The following DRD3 variants were observed in gnomAD, a reference collection of about 807,000 sequenced individuals.
The protein encoded by DRD3 is D(3) dopamine receptor.
Under a neutral mutation model 36.3 loss-of-function variants are expected in DRD3, and 19 were observed. The ratio of observed to expected loss-of-function variants is 0.52; its 90% CI spans 0.36 to 0.77. The LOEUF (loss-of-function observed/expected upper bound fraction) is 0.77. DRD3 is among the 30% of genes least tolerant of loss of function. The pLI is 0.00. For missense variants in DRD3, 465 were observed against 505.3 expected (o/e 0.92, Z 0.77); for synonymous variants, 195 against 203.7 (o/e 0.96, Z 0.36).
chr3:114,182,797 T>A (rs539765513), upstream of DRD3, among the ~76,000 whole-genome samples: 16 of 152,318 alleles, frequency 1.1e-4, 1 homozygote, highest in South Asian at 3.3e-3. Context: ...CATAATGTTC[T>A]CAAAATTCAT....
At chr3:114,197,276 A>C (rs1361258663) in intron 1 of DRD3, among the ~76,000 whole-genome samples, 1 of 131,552 alleles carries the variant, frequency 7.6e-6, no homozygotes, top group African/African-American at 3.0e-5. Flanking sequence ...TAATTAAAAA[A>C]ATTTTTTTTT....
At position 114,162,717 on chromosome 3, in the gene DRD3, G is replaced by T. The variant is rs1433910179; in HGVS notation, c.271-2850C>A. On this transcript the variant is annotated intron_variant, in intron 2 of 6. Transcript: ENST00000383673. ...GTCACAGGGCTAGTACAGGGAGACA[G>T]AGCATTGGAATGTAGGTTGTTACAC... Among the ~76,000 whole-genome samples the T allele has an allele frequency of 3.3e-5, 5 of 152,196 alleles. No homozygotes were observed. In the East Asian group the frequency reaches 9.6e-4, roughly 29 times the overall value.
intron 1 of DRD3, among the ~76,000 whole-genome samples, chr3:114,192,819 C>T (rs1029359882): frequency 6.6e-6 from 1 of 152,114 alleles, no homozygotes; most frequent in Non-Finnish European, 1.5e-5. Flanking sequence ...AAGGTAGATA[C>T]AAAAATTGAG....
intron 1 of DRD3, among the ~76,000 whole-genome samples, chr3:114,198,029 T>C (rs1182376177): frequency 1.3e-5 from 2 of 152,194 alleles, no homozygotes; most frequent in African/African-American, 4.8e-5. Flanking sequence ...TCAAGTTATA[T>C]AGATCTTCTA....
chr3:114,155,816 C>T (rs2077661741), intron 3 of DRD3, among the ~76,000 whole-genome samples: 1 of 152,082 alleles, frequency 6.6e-6, no homozygotes, highest in African/African-American at 2.4e-5. Context: ...TTACACAGTT[C>T]TCCCTCTTCA....
Position 114,131,126 on chromosome 3 carries a change from A to G in DRD3, c.998T>C (p.Ile333Thr). 8 of 1,613,420 alleles carry G rather than the reference A, an allele frequency of 5.0e-6. No individual in the cohort carries two copies. The highest frequency in any genetic ancestry group is 6.8e-6 in the Non-Finnish European group (8 of 1,179,362). ...AGCCAACCCAAACTTACCAAGCACA[A>G]TGGCCACCATTTGGGTTGCCTTCTT... ...REKKATQMVA[I>T]VLGAFIVCWL... Residue 333 changes from isoleucine (I) to threonine (T), a missense_variant, in exon 6 of 7, where the codon ATT becomes ACT. Transcript: ENST00000383673.
chr3:114,181,268 G>A (rs892623963), upstream of DRD3, among the ~76,000 whole-genome samples: 6 of 152,142 alleles, frequency 3.9e-5, no homozygotes, highest in African/African-American at 1.4e-4. Context: ...CACACATCTA[G>A]GCAGTCAACT....
chr3:114,128,949 T>C (rs1254852825), intron 6 of DRD3, 37 bp from the exon 7 acceptor site: 1 of 1,519,122 alleles, frequency 6.6e-7, no homozygotes. Flanking sequence ...GGGTAAGGGA[T>C]TTGCTTACTC....
chr3:114,135,832 G>A (rs1274551407), intron 5 of DRD3, among the ~76,000 whole-genome samples: 2 of 152,010 alleles, frequency 1.3e-5, no homozygotes, highest in African/African-American at 4.8e-5. Context: ...TGGGATTATA[G>A]GTGCATGCCA....
chr3:114,166,275 C>T (rs1224629671), intron 2 of DRD3, among the ~76,000 whole-genome samples: 9 of 152,078 alleles, frequency 5.9e-5, no homozygotes, highest in Non-Finnish European at 8.8e-5. Context: ...CGTGAGCCAC[C>T]GTACCCGGCC....
chr3:114,178,281 T>C (rs2077920411), intron 1 of DRD3, among the ~76,000 whole-genome samples: 1 of 152,160 alleles, frequency 6.6e-6, no homozygotes, highest in Admixed American at 6.5e-5. Context: ...GGTGCTGAAT[T>C]GAGGAGTTTA....
chr3:114,170,373 G>T (rs1420496410), intron 2 of DRD3, among the ~76,000 whole-genome samples: 3 of 152,134 alleles, frequency 2.0e-5, no homozygotes, highest in African/African-American at 7.2e-5. Flanking sequence ...GTATGTTTAG[G>T]CTACAGGAGA....
chr3:114,137,292 T>C (rs1017331042), intron 5 of DRD3, among the ~76,000 whole-genome samples: 3 of 152,164 alleles, frequency 2.0e-5, no homozygotes, highest in Non-Finnish European at 4.4e-5. Flanking sequence ...AACTGCTGAA[T>C]GGGGTGCAGG....
intron 1 of DRD3, among the ~76,000 whole-genome samples, chr3:114,194,662 A>G (rs974737031): frequency 6.6e-6 from 1 of 152,018 alleles, no homozygotes; most frequent in Non-Finnish European, 1.5e-5. Flanking sequence ...ATCTTACACA[A>G]ATGTGGTACA....
intron 1 of DRD3, among the ~76,000 whole-genome samples, chr3:114,192,039 T>C (rs1411762496): frequency 6.6e-6 from 1 of 152,038 alleles, no homozygotes; most frequent in Non-Finnish European, 1.5e-5. Flanking sequence ...AGCTTTATAA[T>C]GGAAAAAAAG....
chr3:114,190,610 G>T (rs184779634), intron 1 of DRD3, among the ~76,000 whole-genome samples: 184 of 148,386 alleles, frequency 1.2e-3, no homozygotes, highest in African/African-American at 4.4e-3. Context: ...TTATGCTGTT[G>T]TTGGCTCTGC....
chr3:114,171,442 G>A (rs1351640293), intron 2 of DRD3, among the ~76,000 whole-genome samples: 1 of 152,074 alleles, frequency 6.6e-6, no homozygotes, highest in Non-Finnish European at 1.5e-5. Context: ...ATAAACTCTA[G>A]GCCATATTAG....
chr3:114,172,998 G>C (rs1490547699), intron 1 of DRD3, among the ~76,000 whole-genome samples: 1 of 152,020 alleles, frequency 6.6e-6, no homozygotes, highest in African/African-American at 2.4e-5. Flanking sequence ...TTCATATGTA[G>C]AAATCCTAAT....
Position 114,127,732 on chromosome 3 carries a change from A to T in DRD3, c.*984T>A, listed in dbSNP as rs2077392494. Among the ~76,000 whole-genome samples the T allele has an allele frequency of 6.6e-6, 1 of 152,240 alleles. No homozygotes were observed. The highest frequency in any genetic ancestry group is 6.5e-5 in the Admixed American group (1 of 15,274). ...ATGCATTGAGCTATGATGTTGCAAC[A>T]GCTATGACATCATTAAGTGATAGAA... On this transcript the variant is annotated 3_prime_UTR_variant, in exon 7 of 7. Coordinates refer to ENST00000383673, the MANE Select transcript of DRD3 (RefSeq NM_000796.6).
Sources: allele counts gnomAD v4.1 joint callset (sites outside exome capture counted in the v4.1 genomes callset), GRCh38; gene constraint gnomAD v4.1.1; transcripts MANE v1.5; gene names NCBI Gene and HGNC (gene_info 2026-07-23, HGNC 2026-07-21).